ERCC1: variants seen among roughly 807,000 people sequenced by gnomAD.
ERCC1 encodes ERCC excision repair 1, endonuclease non-catalytic subunit.
Under a neutral mutation model 37.6 loss-of-function variants are expected in ERCC1, and 36 were observed. The observed-to-expected ratio is 0.96, with a 90% CI of 0.73 to 1.26. ERCC1 has a LOEUF of 1.26. Ranked by LOEUF, ERCC1 falls within the 50% of genes most tolerant of loss-of-function variation. The pLI, the probability that ERCC1 is intolerant of heterozygous loss-of-function variation, is 0.00. For missense variants in ERCC1, 349 were observed against 376.5 expected (o/e 0.93, Z 0.60); for synonymous variants, 156 against 162.1 (o/e 0.96, Z 0.28).
At chr19:45,429,930 G>A (rs1436366644) in intron 1 of ERCC1, among the ~76,000 whole-genome samples, 3 of 152,082 alleles carry the variant, frequency 2.0e-5, no homozygotes, top group South Asian at 2.1e-4. Flanking sequence ...GACTACAGGC[G>A]CATGCCACCA....
At chr19:45,433,997 C>T (rs891291856) in intron 1 of ERCC1, among the ~76,000 whole-genome samples, 1 of 151,628 alleles carries the variant, frequency 6.6e-6, no homozygotes, top group African/African-American at 2.4e-5. Flanking sequence ...AAAAATTAGT[C>T]AGGCATGGTG....
chr19:45,434,602 C>T (rs1218753796), intron 1 of ERCC1, among the ~76,000 whole-genome samples: 1 of 151,860 alleles, frequency 6.6e-6, no homozygotes, highest in Non-Finnish European at 1.5e-5. Flanking sequence ...CTTTTGTTTT[C>T]CGAGACTGAG....
intron 1 of ERCC1, among the ~76,000 whole-genome samples, chr19:45,449,730 C>T (rs922106209): frequency 4.0e-5 from 6 of 151,792 alleles, no homozygotes; most frequent in Non-Finnish European, 8.8e-5. Context: ...TTTAGGAGGC[C>T]GAGGTGAGTG....
upstream of ERCC1, among the ~76,000 whole-genome samples, chr19:45,425,970 A>G (rs1314240725): frequency 6.6e-6 from 1 of 150,700 alleles, no homozygotes; most frequent in African/African-American, 2.5e-5. Context: ...TTTTCTGGGC[A>G]TGGTGGCTAA....
chr19:45,426,525 T>C (rs560547990), upstream of ERCC1, among the ~76,000 whole-genome samples: 1 of 149,854 alleles, frequency 6.7e-6, no homozygotes, highest in East Asian at 2.0e-4. Flanking sequence ...CACTCCAGCC[T>C]GGGCAACAAG....
chr19:45,409,626 G>A lies in ERCC1; in HGVS notation c.*49C>T. 6 of 1,548,498 alleles carry A rather than the reference G, an allele frequency of 3.9e-6. No homozygotes were observed. The South Asian group carries it at 6.8e-5, about 18-fold the overall frequency. ...GCGCAGCCAGCAGGAGCCTGGCCTG[G>A]GAGGACGATTTATTATTACACTGGG... On this transcript the variant is annotated 3_prime_UTR_variant, in exon 10 of 10. Coordinates refer to ENST00000300853, the MANE Select transcript of ERCC1 (RefSeq NM_001983.4).
chr19:45,425,158 C>T (rs1391842844), upstream of ERCC1, among the ~76,000 whole-genome samples: 1 of 143,522 alleles, frequency 7.0e-6, no homozygotes, highest in Non-Finnish European at 1.5e-5. Context: ...TGGTCTCAAA[C>T]TCCTGACCTC....
At chr19:45,419,715 T>C (rs1202898795) in intron 4 of ERCC1, among the ~76,000 whole-genome samples, 2 of 152,138 alleles carry the variant, frequency 1.3e-5, no homozygotes, top group African/African-American at 4.8e-5. Flanking sequence ...GGCCCCTAGG[T>C]TGGAGGGGAA....
In ERCC1 at chr19:45,412,590, T is replaced by C. The variant is rs145681476; in HGVS notation, c.843+1087A>G. Among the ~76,000 whole-genome samples the C allele has an allele frequency of 2.1e-3, 324 of 152,358 alleles. 1 individual carries two copies. The highest frequency in any genetic ancestry group is 7.4e-3 in the African/African-American group (307 of 41,598). On this transcript the variant is annotated intron_variant, in intron 9 of 9. Coordinates refer to ENST00000300853, the MANE Select transcript of ERCC1 (RefSeq NM_001983.4). ...TTTTGCCCACTTTTTGATTGGATTA[T>C]TATATTTTATCCTATAGAGTTGTTA...
intron 9 of ERCC1, 170 bp from the exon 10 acceptor site, chr19:45,409,895 AT>A (rs57573120): frequency 0.022 from 3,739 of 171,258 alleles, 71 homozygotes; most frequent in African/African-American, 0.056. Context: ...TATTATTATT[AT>A]TTTTTTTTTT....
chr19:45,433,474 C>T lies in ERCC1; in HGVS notation c.-7-10093G>A, dbSNP rs564150432. 1.8e-4 allele frequency among the ~76,000 whole-genome samples: 27 copies of T among 152,114 alleles called. 1 individual carries two copies. In the South Asian group the frequency reaches 4.2e-3, roughly 23 times the overall value. ...CTGGGAGGTGGAGGTTGCAGTGAGC[C>T]GAGATTGCGCCATTGTACTCCAGCC... On this transcript the variant is annotated intron_variant, in intron 1 of 8. Transcript: ENST00000423698.
At chr19:45,429,533 G>A (rs1974783980) in intron 1 of ERCC1, among the ~76,000 whole-genome samples, 1 of 152,162 alleles carries the variant, frequency 6.6e-6, no homozygotes, top group Middle Eastern at 3.4e-3. Flanking sequence ...TGAGAAAGGC[G>A]GAAAGAGGGG....
chr19:45,413,508 T>G (rs775889975), intron 9 of ERCC1, 169 bp downstream of exon 9: 10 of 1,486,516 alleles, frequency 6.7e-6, no homozygotes, highest in Middle Eastern at 3.9e-4. Context: ...ACTTCTGGCC[T>G]CAAGCAGTCC....
chr19:45,408,476 C>T lies in ERCC1; in HGVS notation c.*1199G>A, dbSNP rs534345630. On this transcript the variant is annotated 3_prime_UTR_variant, in exon 10 of 10. Transcript: ENST00000300853. ...TAGGTCAGCCTTGGCCCCCAACCTG[C>T]TCACCTCAGGGAAGAAGAAAAAGGA... The T allele has an allele frequency of 8.1e-6, 13 of 1,613,920 alleles. No homozygotes were observed. In the East Asian group the frequency reaches 2.9e-4, roughly 36 times the overall value.
intron 1 of ERCC1, among the ~76,000 whole-genome samples, chr19:45,441,738 C>T (rs1257626562): frequency 1.3e-5 from 2 of 149,558 alleles, no homozygotes; most frequent in Admixed American, 6.7e-5. Context: ...AGTGCAGTGG[C>T]GGGATCTCGG....
chr19:45,445,337 G>A (rs998931058), intron 1 of ERCC1, among the ~76,000 whole-genome samples: 2 of 152,158 alleles, frequency 1.3e-5, no homozygotes, highest in African/African-American at 4.8e-5. Context: ...TATTTATTGA[G>A]CATCTACTAT....
intron 4 of ERCC1, chr19:45,419,519 T>G (rs3212959): frequency 0.011 from 3,983 of 363,452 alleles, 139 homozygotes; most frequent in African/African-American, 0.076. Context: ...GGACACTGCA[T>G]GGCTCGCGGT....
intron 1 of ERCC1, 186 bp downstream of exon 1, chr19:45,423,595 G>GC: frequency 7.1e-7 from 1 of 1,401,464 alleles, no homozygotes; most frequent in Non-Finnish European, 9.3e-7. Context: ...AAGTCCCATC[G>GC]CTCCGCCCCT....
At position 45,419,208 on chromosome 19, in the gene ERCC1, C is replaced by T. The variant is rs104894990; in HGVS notation, c.426-11G>A. On this transcript the variant is annotated splice_polypyrimidine_tract_variant and intron_variant, in intron 4 of 9. Transcript: ENST00000300853. ...TTGTGGTAGCGGAGGCTGGTGGGGG[C>T]AGGGAGCGGGAGTTGAGAGGTCTCA... 2.0e-5 allele frequency: 32 copies of T among 1,573,042 alleles called. No individual in the cohort carries two copies. The highest frequency in any genetic ancestry group is 2.3e-5 in the Non-Finnish European group (27 of 1,155,600).
Sources: allele counts gnomAD v4.1 joint callset (sites outside exome capture counted in the v4.1 genomes callset), GRCh38; gene constraint gnomAD v4.1.1; transcripts MANE v1.5; gene names NCBI Gene and HGNC (gene_info 2026-07-23, HGNC 2026-07-21).